TIAM1: variants seen among roughly 807,000 people sequenced by gnomAD.
TIAM1 encodes the protein TIAM Rac1 associated GEF 1.
In TIAM1, 65 loss-of-function variants were observed where a neutral mutation model predicts 163.5. The ratio of observed to expected loss-of-function variants is 0.40; its 90% confidence interval spans 0.33 to 0.49. The LOEUF is 0.49. Among genes scored for constraint, TIAM1 ranks in the 20% least tolerant of loss-of-function variants. The pLI, the probability that TIAM1 is intolerant of heterozygous loss-of-function variation, is 0.77. For missense variants in TIAM1, 1,789 were observed against 2,044.7 expected, an observed-to-expected ratio of 0.87 and a Z score of 2.41; for synonymous variants, 833 against 810.1, an observed-to-expected ratio of 1.03 and a Z score of -0.48.
chr21:31,166,328 A>G (rs1325651605), intron 15 of TIAM1, among the ~76,000 whole-genome samples: 2 of 152,220 alleles, frequency 1.3e-5, no homozygotes, highest in African/African-American at 4.8e-5. Flanking sequence ...AGAAGGAAAG[A>G]GAAGAAATGG....
At chr21:31,467,041 G>A (rs78854412) in intron 1 of TIAM1, among the ~76,000 whole-genome samples, 4 of 150,442 alleles carry the variant, frequency 2.7e-5, no homozygotes, top group East Asian at 1.9e-4. Context: ...GGAAGCTTGC[G>A]ATCACTAACA....
intron 2 of TIAM1, among the ~76,000 whole-genome samples, chr21:31,329,038 C>T (rs701724): frequency 0.49 from 74,100 of 151,954 alleles, 18,599 homozygotes; most frequent in East Asian, 0.62. Flanking sequence ...GAGATGATTT[C>T]AAATGTGTGG....
At chr21:31,369,556 A>C (rs978964437) in intron 2 of TIAM1, among the ~76,000 whole-genome samples, 2 of 152,206 alleles carry the variant, frequency 1.3e-5, no homozygotes, top group African/African-American at 4.8e-5. Context: ...GCTAGAAGAA[A>C]GGATTCTGAA....
At chr21:31,550,813 C>G (rs2048659001) in intron 1 of TIAM1, among the ~76,000 whole-genome samples, 1 of 152,136 alleles carries the variant, frequency 6.6e-6, no homozygotes, top group Non-Finnish European at 1.5e-5. Flanking sequence ...ACATCCATTT[C>G]TAATTTCACA....
chr21:31,438,364 G>A (rs111745086), intron 2 of TIAM1, among the ~76,000 whole-genome samples: 2 of 151,720 alleles, frequency 1.3e-5, no homozygotes, highest in African/African-American at 4.8e-5. Context: ...GCTAATTTTT[G>A]TATTTTTAGT....
Position 31,120,362 on chromosome 21 carries a change from A to T in TIAM1, c.*6T>A, listed in dbSNP as rs142244677. ...ACACACATTCTCTACGGGGCAGGTG[A>T]CGCAGTCAGATCTCAGTGTTCAGTT... On this transcript the variant is annotated 3_prime_UTR_variant, in exon 28 of 28. Transcript: ENST00000541036. This position sits in a 1 kb window ranked among gnomAD's most constrained non-coding sequence, Gnocchi z 4.2. 889 of 1,598,282 alleles carry T rather than the reference A, an allele frequency of 5.6e-4. 3 individuals are homozygous for T. In the African/African-American group the frequency reaches 0.011, roughly 19 times the overall value.
intron 2 of TIAM1, among the ~76,000 whole-genome samples, chr21:31,328,152 C>A (rs1286181592): frequency 6.6e-6 from 1 of 152,092 alleles, no homozygotes; most frequent in Non-Finnish European, 1.5e-5. Context: ...CTTCCTAACT[C>A]CCCTATGTTC....
At chr21:31,130,365 G>T in intron 24 of TIAM1, 50 bp from the exon 25 acceptor site, 1 of 1,456,018 alleles carries the variant, frequency 6.9e-7, no homozygotes, top group South Asian at 1.1e-5. Flanking sequence ...ACCTGCCCCG[G>T]ACCAGTTCCC....
intron 20 of TIAM1, among the ~76,000 whole-genome samples, chr21:31,145,009 G>A (rs910347846): frequency 5.3e-5 from 8 of 152,124 alleles, no homozygotes; most frequent in African/African-American, 1.9e-4. Flanking sequence ...CAAGGGCAGA[G>A]ATGGGTATAT....
At chr21:31,522,982 A>C (rs1478239229) in intron 1 of TIAM1, among the ~76,000 whole-genome samples, 1 of 152,188 alleles carries the variant, frequency 6.6e-6, no homozygotes, top group Non-Finnish European at 1.5e-5. Flanking sequence ...CTATAAAATA[A>C]ATTTTTAGCA....
At chr21:31,514,951 T>C (rs893910969) in intron 1 of TIAM1, among the ~76,000 whole-genome samples, 1 of 152,224 alleles carries the variant, frequency 6.6e-6, no homozygotes, top group African/African-American at 2.4e-5. Context: ...ACTTTATTTC[T>C]TGCTTCCAAC....
Position 31,127,054 on chromosome 21 carries a change from C to G in TIAM1, c.4133+11G>C. 1 of 1,613,720 alleles carries G rather than the reference C, an allele frequency of 6.2e-7. No individual in the cohort carries two copies. Among genetic ancestry groups the G allele is most frequent in the Non-Finnish European group, 8.5e-7 (1 of 1,179,688 alleles). ...GTCAACACGGCCTCGACTTTACAGGCCCAGGCTCACCTGCAGCACAAGTGA... is the reference window on the plus strand; with the variant it reads ...GTCAACACGGCCTCGACTTTACAGGGCCAGGCTCACCTGCAGCACAAGTGA... On this transcript the variant is annotated intron_variant, in intron 26 of 27. Transcript: ENST00000541036.
intron 1 of TIAM1, among the ~76,000 whole-genome samples, chr21:31,479,645 G>C (rs927742446): frequency 7.2e-5 from 11 of 152,150 alleles, no homozygotes; most frequent in Non-Finnish European, 1.3e-4. Context: ...TACAAATCAG[G>C]CCTCTTTATT....
chr21:31,143,355 T>C (rs186277469), intron 20 of TIAM1, among the ~76,000 whole-genome samples: 128 of 152,082 alleles, frequency 8.4e-4, no homozygotes, highest in African/African-American at 2.8e-3. Context: ...TCGATACTTT[T>C]CATAACAGCA....
At chr21:31,502,964 G>GA (rs1602434742) in intron 1 of TIAM1, among the ~76,000 whole-genome samples, 2 of 151,922 alleles carry the variant, frequency 1.3e-5, no homozygotes, top group East Asian at 3.9e-4. Flanking sequence ...AAAAATAGAG[G>GA]AAAAAAAAGG....
chr21:31,387,570 C>T (rs1191289489), intron 2 of TIAM1, among the ~76,000 whole-genome samples: 5 of 151,690 alleles, frequency 3.3e-5, no homozygotes, highest in African/African-American at 7.3e-5. Flanking sequence ...TGTCTTCTGA[C>T]GATGTTGGGA....
chr21:31,439,892 A>G (rs1187687060), intron 2 of TIAM1, among the ~76,000 whole-genome samples: 1 of 152,208 alleles, frequency 6.6e-6, no homozygotes, highest in African/African-American at 2.4e-5. Flanking sequence ...CTGGTTGTCT[A>G]AGAATATAAC....
At chr21:31,495,445 C>T (rs187480231) in intron 1 of TIAM1, among the ~76,000 whole-genome samples, 10 of 152,268 alleles carry the variant, frequency 6.6e-5, no homozygotes, top group African/African-American at 1.4e-4. Flanking sequence ...CCAAATGCCG[C>T]GTAAAGTCTC....
chr21:31,376,606 G>C (rs2076691996), intron 2 of TIAM1, among the ~76,000 whole-genome samples: 1 of 152,260 alleles, frequency 6.6e-6, no homozygotes, highest in African/African-American at 2.4e-5. Context: ...AGGAGGAGAT[G>C]CCCACTGAAA....
Sources: allele counts gnomAD v4.1 joint callset (sites outside exome capture counted in the v4.1 genomes callset), GRCh38; gene constraint gnomAD v4.1.1; non-coding constraint Gnocchi (gnomAD v3.1); transcripts MANE v1.5; gene names NCBI Gene and HGNC (gene_info 2026-07-23, HGNC 2026-07-21).